The following RAB2A variants were observed in gnomAD, a reference collection of about 807,000 sequenced individuals.
RAB2A encodes the protein ras-related protein Rab-2A.
RAB2A carries 7 observed loss-of-function variants against 32.5 expected under a neutral mutation model. That is an observed-to-expected ratio of 0.22 (90% confidence interval 0.12 to 0.40). The LOEUF is 0.40. Ranked by LOEUF, RAB2A falls within the 10% of genes least tolerant of loss-of-function variation. The pLI is 1.00. For synonymous variants in RAB2A, 79 were observed against 85.2 expected (o/e 0.93, Z 0.40); for missense variants, 108 against 260.7 (o/e 0.41, Z 4.03).
intron 6 of RAB2A, among the ~76,000 whole-genome samples, chr8:60,606,670 T>A (rs767086763): frequency 3.2e-4 from 49 of 152,236 alleles, no homozygotes; most frequent in Non-Finnish European, 5.6e-4. Context: ...TACAACCACA[T>A]AGATATTTAT....
chr8:60,620,994 A>G lies in RAB2A; in HGVS notation c.*225A>G, dbSNP rs1169287731. On this transcript the variant is annotated 3_prime_UTR_variant, in exon 8 of 8. Coordinates refer to ENST00000262646, the MANE Select transcript of RAB2A (RefSeq NM_002865.3). ...CTATTTGCATTTGATTTCTAGGTCA[A>G]TTGATGTGATTATTTTTGTTAAATG... is the stretch of plus-strand genomic sequence containing the variant. 6 of 458,742 alleles carry G rather than the reference A, an allele frequency of 1.3e-5. No homozygotes were observed. The highest frequency in any genetic ancestry group is 3.4e-5 in the South Asian group (1 of 29,470). 28.4% of individuals were successfully genotyped at this position (458,742 alleles called of 1,614,324 possible). A position where few individuals can be genotyped will look rare whatever the true frequency, so the allele number is the denominator to read the frequency against.
At chr8:60,584,622 G>A in intron 4 of RAB2A, 101 bp from the exon 5 acceptor site, 2 of 927,040 alleles carry the variant, frequency 2.2e-6, no homozygotes, top group Non-Finnish European at 1.6e-6. Flanking sequence ...TACATAAGTG[G>A]ATATGGCTAA....
chr8:60,522,974 T>C (rs923444372), intron 1 of RAB2A, among the ~76,000 whole-genome samples: 2 of 152,186 alleles, frequency 1.3e-5, no homozygotes, highest in African/African-American at 2.4e-5. Context: ...TATTTTATTA[T>C]ATAAGCAGAT....
intron 1 of RAB2A, among the ~76,000 whole-genome samples, chr8:60,523,716 A>C (rs1346445784): frequency 6.7e-6 from 1 of 148,258 alleles, no homozygotes; most frequent in Non-Finnish European, 1.5e-5. Context: ...TTTTGAGACA[A>C]GTCTCGCTTT....
chr8:60,620,200 A>C (rs1159671378), intron 7 of RAB2A, among the ~76,000 whole-genome samples: 1 of 152,250 alleles, frequency 6.6e-6, no homozygotes, highest in Non-Finnish European at 1.5e-5. Context: ...GGTTCTTGGC[A>C]AGCTGCCATG....
chr8:60,618,556 T>C lies in RAB2A; in HGVS notation c.475-24T>C, dbSNP rs1804484874. 2.6e-6 allele frequency: 3 copies of C among 1,148,148 alleles called. No individual in the cohort carries two copies. The African/African-American group carries it at 4.9e-5, about 19-fold the overall frequency. 71.1% of individuals were successfully genotyped at this position (1,148,148 alleles called of 1,614,324 possible). ...TTTACTGCTTTGGTTTTATATAATA[T>C]GAACCAATTTCTCTATATTTCAGGC... On this transcript the variant is annotated intron_variant, in intron 6 of 7. Transcript: ENST00000262646.
In RAB2A at chr8:60,605,854, A is replaced by ATAG. The variant is rs1563485040; in HGVS notation, c.475-12725_475-12724insAGT. On this transcript the variant is annotated intron_variant, in intron 6 of 7. Coordinates refer to ENST00000262646, the MANE Select transcript of RAB2A (RefSeq NM_002865.3). ...ATACATATATACATATATATATATA[A>ATAG]TGCTTCATTTCAAGCTGGGGGTGGT... Among the ~76,000 whole-genome samples, 138 of 77,612 alleles carry ATAG rather than the reference A, an allele frequency of 1.8e-3. 2 individuals are homozygous for ATAG. Among genetic ancestry groups the ATAG allele is most frequent in the African/African-American group, 0.017 (133 of 8,058 alleles). 50.9% of individuals were successfully genotyped at this position (77,612 alleles called of 152,430 possible).
At chr8:60,603,784 G>C (rs1804177547) in intron 6 of RAB2A, among the ~76,000 whole-genome samples, 1 of 152,156 alleles carries the variant, frequency 6.6e-6, no homozygotes, top group Non-Finnish European at 1.5e-5. Context: ...ATTTTGGGAG[G>C]CTGAAGCAGG....
chr8:60,526,323 C>T (rs1807388315), intron 1 of RAB2A, among the ~76,000 whole-genome samples: 1 of 152,088 alleles, frequency 6.6e-6, no homozygotes, highest in South Asian at 2.1e-4. Context: ...TAGAGTCCAC[C>T]CACCTACCCA....
chr8:60,583,988 A>G (rs1201296295), intron 3 of RAB2A: 2 of 398,156 alleles, frequency 5.0e-6, no homozygotes, highest in Non-Finnish European at 9.5e-6. Context: ...GGGAGGTTGC[A>G]GGAGCGACTA....
At chr8:60,586,779 ACTAG>A (rs1212903045) in intron 5 of RAB2A, among the ~76,000 whole-genome samples, 2 of 151,962 alleles carry the variant, frequency 1.3e-5, no homozygotes, top group Non-Finnish European at 2.9e-5. Flanking sequence ...ATTAAAAAAA[ACTAG>A]CTAGGCATGC....
intron 6 of RAB2A, among the ~76,000 whole-genome samples, chr8:60,592,627 T>G (rs184423529): frequency 1.5e-4 from 23 of 152,322 alleles, no homozygotes; most frequent in Admixed American, 1.5e-3. Flanking sequence ...CTGTTTCATC[T>G]ATTGATGAAA....
intron 1 of RAB2A, among the ~76,000 whole-genome samples, chr8:60,527,980 C>T (rs976091916): frequency 6.6e-6 from 1 of 152,158 alleles, no homozygotes; most frequent in Admixed American, 6.5e-5. Flanking sequence ...CAGCTAGTAA[C>T]TGACCAATAT....
At chr8:60,524,243 T>A (rs951454298) in intron 1 of RAB2A, among the ~76,000 whole-genome samples, 1 of 152,036 alleles carries the variant, frequency 6.6e-6, no homozygotes, top group African/African-American at 2.4e-5. Flanking sequence ...CCCAACTGCT[T>A]CCCTCCTTCA....
At chr8:60,564,111 C>A (rs1808067339) in intron 2 of RAB2A, among the ~76,000 whole-genome samples, 2 of 152,164 alleles carry the variant, frequency 1.3e-5, no homozygotes, top group African/African-American at 4.8e-5. Context: ...CTTTAGTTTC[C>A]TGTAGAACGA....
intron 1 of RAB2A, among the ~76,000 whole-genome samples, chr8:60,524,842 TC>T (rs1187150325): frequency 1.3e-5 from 2 of 152,246 alleles, no homozygotes; most frequent in African/African-American, 4.8e-5. Flanking sequence ...TTCTTCTTTT[TC>T]TGCTGCCAAG....
At chr8:60,525,233 T>C (rs1383679673) in intron 1 of RAB2A, among the ~76,000 whole-genome samples, 3 of 152,184 alleles carry the variant, frequency 2.0e-5, no homozygotes, top group Non-Finnish European at 4.4e-5. Flanking sequence ...GTTTCCCCCA[T>C]GCTGATCTGG....
intron 5 of RAB2A, among the ~76,000 whole-genome samples, chr8:60,588,075 C>A (rs1412143922): frequency 6.6e-6 from 1 of 152,076 alleles, no homozygotes; most frequent in Non-Finnish European, 1.5e-5. Flanking sequence ...GAGTTTGAGA[C>A]CAGCCTGGGC....
rs1807995706 is a variant in RAB2A, at chr8:60,559,927, C to T, written c.118+1004C>T. On this transcript the variant is annotated intron_variant, in intron 2 of 7. Coordinates refer to ENST00000262646, the MANE Select transcript of RAB2A (RefSeq NM_002865.3). ...ACATTATTAATTAATAGTTTTCAAC[C>T]AAGCTACAGGTATAGTACTTTGTGG... 2.0e-5 allele frequency among the ~76,000 whole-genome samples: 3 copies of T among 152,150 alleles called. No individual in the cohort carries two copies. The South Asian group carries it at 6.2e-4, about 32-fold the overall frequency.
Sources: gnomAD v4.1 joint callset for allele counts (sites outside exome capture counted in the v4.1 genomes callset) on GRCh38, gnomAD v4.1.1 for gene constraint, MANE v1.5 for transcripts, NCBI Gene and HGNC (gene_info 2026-07-23, HGNC 2026-07-21) for gene names.